FER1L6: variants seen among roughly 807,000 people sequenced by gnomAD.
The protein encoded by FER1L6 is fer-1 like family member 6.
Under a neutral mutation model 219.2 loss-of-function variants are expected in FER1L6, and 177 were observed. That is an observed-to-expected ratio of 0.81 (90% confidence interval 0.71 to 0.91). The LOEUF is 0.91. Among genes scored for constraint, FER1L6 ranks in the 40% least tolerant of loss-of-function variants. FER1L6 has a pLI of 0.00. For missense variants in FER1L6, 2,153 were observed against 2,259.9 expected (o/e 0.95, Z 0.96); for synonymous variants, 768 against 824.3 (o/e 0.93, Z 1.17).
intron 16 of FER1L6, among the ~76,000 whole-genome samples, chr8:124,018,612 C>T (rs1232557001): frequency 2.0e-5 from 3 of 152,168 alleles, no homozygotes; most frequent in Non-Finnish European, 4.4e-5. Context: ...ATGTTTTCTG[C>T]AGAGTTCTGT....
At chr8:124,037,265 G>A (rs115316301) in intron 19 of FER1L6, among the ~76,000 whole-genome samples, 2,732 of 152,294 alleles carry the variant, frequency 0.018, 87 homozygotes, top group African/African-American at 0.061. Context: ...CATTTTCACC[G>A]GATGAACCAT....
In FER1L6 at chr8:123,955,442, C is replaced by T. The variant is rs969146685; in HGVS notation, c.-7-550C>T. ...CCTTCTTGACCTTGGTCTCGAGAGC[C>T]CAGGTCTGGTGATGGTGTTTACTCT... On this transcript the variant is annotated intron_variant, in intron 1 of 40. Coordinates refer to ENST00000522917, the MANE Select transcript of FER1L6 (RefSeq NM_001039112.2). Among the ~76,000 whole-genome samples the T allele has an allele frequency of 5.9e-5, 9 of 152,282 alleles. No homozygotes were observed. The East Asian group carries it at 1.7e-3, about 29-fold the overall frequency.
chr8:123,987,271 G>A (rs1185323957), intron 12 of FER1L6, among the ~76,000 whole-genome samples: 4 of 152,200 alleles, frequency 2.6e-5, no homozygotes, highest in Non-Finnish European at 5.9e-5. Flanking sequence ...GATGGTTAAT[G>A]ATGCTAAGCG....
At chr8:123,959,026 G>A (rs1815152339) in intron 2 of FER1L6, among the ~76,000 whole-genome samples, 1 of 152,070 alleles carries the variant, frequency 6.6e-6, no homozygotes. Context: ...ATTGTGTATG[G>A]ACTTCAGATT....
chr8:123,853,192 T>C lies in FER1L6; in HGVS notation c.-8+1007T>C, dbSNP rs1198130986. On this transcript the variant is annotated intron_variant, in intron 1 of 40. Coordinates refer to ENST00000522917, the MANE Select transcript of FER1L6 (RefSeq NM_001039112.2). The surrounding 1 kb of genome is among the most constrained non-coding windows in gnomAD (Gnocchi z 6.6). ...CTTTTTTTGAGACAGTCTCACTCTA[T>C]AGCCCAGGCTGGAGTGCAGTGGTAC... 1.3e-5 allele frequency among the ~76,000 whole-genome samples: 2 copies of C among 152,102 alleles called. No individual in the cohort carries two copies. Among genetic ancestry groups the C allele is most frequent in the Admixed American group, 6.5e-5 (1 of 15,278 alleles).
chr8:124,046,589 G>A (rs776502380), intron 21 of FER1L6: 6 of 152,294 alleles, frequency 3.9e-5, no homozygotes, highest in South Asian at 2.1e-4. Context: ...ACCTCCTCAT[G>A]AGGTTGCAGA....
intron 37 of FER1L6, among the ~76,000 whole-genome samples, chr8:124,099,820 G>T (rs1462709415): frequency 2.0e-5 from 3 of 151,972 alleles, no homozygotes; most frequent in Non-Finnish European, 4.4e-5. Flanking sequence ...ATGCCCCCTT[G>T]CTCTCTGCAA....
intron 32 of FER1L6, among the ~76,000 whole-genome samples, chr8:124,081,322 T>C (rs937239411): frequency 6.6e-6 from 1 of 152,138 alleles, no homozygotes; most frequent in Non-Finnish European, 1.5e-5. Flanking sequence ...TTGGGTAATT[T>C]ATCATCACAG....
intron 22 of FER1L6, among the ~76,000 whole-genome samples, chr8:124,058,100 A>G (rs1820392389): frequency 6.6e-6 from 1 of 152,220 alleles, no homozygotes; most frequent in African/African-American, 2.4e-5. Flanking sequence ...ACTGTACTAA[A>G]GATGAGAAAT....
intron 22 of FER1L6, among the ~76,000 whole-genome samples, chr8:124,057,646 T>A (rs1820365269): frequency 6.6e-6 from 1 of 152,116 alleles, no homozygotes; most frequent in Non-Finnish European, 1.5e-5. Context: ...TCCAATTACA[T>A]GTATATTAGA....
intron 1 of FER1L6, among the ~76,000 whole-genome samples, chr8:123,928,096 C>T (rs1813633636): frequency 1.3e-5 from 2 of 152,250 alleles, no homozygotes; most frequent in South Asian, 4.2e-4. Flanking sequence ...AAAATCTTCT[C>T]ATATTTTCCT....
chr8:123,867,114 G>A (rs896972987), intron 1 of FER1L6, among the ~76,000 whole-genome samples: 14 of 151,960 alleles, frequency 9.2e-5, no homozygotes, highest in African/African-American at 3.4e-4. Context: ...TGTGCTCTTG[G>A]GGTCCTGTCT....
At chr8:123,969,972 A>G in intron 5 of FER1L6, 63 bp from the exon 6 acceptor site, 2 of 1,330,600 alleles carry the variant, frequency 1.5e-6, no homozygotes, top group Non-Finnish European at 2.2e-6. Flanking sequence ...AATCCACTCC[A>G]AGGACAGGAT....
chr8:123,893,765 C>T lies in FER1L6; in HGVS notation c.-8+41580C>T, dbSNP rs149094150. Among the ~76,000 whole-genome samples the T allele has an allele frequency of 9.7e-3, 1,475 of 152,238 alleles. 20 individuals are homozygous for T. The highest frequency in any genetic ancestry group is 0.034 in the African/African-American group (1,392 of 41,530). On this transcript the variant is annotated intron_variant, in intron 1 of 40. Transcript: ENST00000522917. ...CCTACATGGACAATGATTCTTGCTGCATTTAGTGTGGATAATCAAGCCAAG... is the reference window on the plus strand; with the variant it reads ...CCTACATGGACAATGATTCTTGCTGTATTTAGTGTGGATAATCAAGCCAAG...
At chr8:124,051,716 G>A (rs1820041549) in intron 22 of FER1L6, among the ~76,000 whole-genome samples, 1 of 152,170 alleles carries the variant, frequency 6.6e-6, no homozygotes. Flanking sequence ...GGGGATTCTG[G>A]GGAGCATAAT....
intron 33 of FER1L6, among the ~76,000 whole-genome samples, chr8:124,088,573 C>T (rs1217824021): frequency 1.3e-5 from 2 of 151,978 alleles, no homozygotes; most frequent in Non-Finnish European, 2.9e-5. Flanking sequence ...GAAGCAATCT[C>T]TTCCTATCAC....
chr8:123,985,266 G>A (rs956539214), intron 11 of FER1L6: 3 of 152,126 alleles, frequency 2.0e-5, no homozygotes, highest in African/African-American at 7.2e-5. Context: ...AGATGAACTC[G>A]AAGGTCCTTT....
chr8:124,069,261 C>A, intron 28 of FER1L6, 99 bp from the exon 29 acceptor site: 1 of 908,454 alleles, frequency 1.1e-6, no homozygotes, highest in South Asian at 1.4e-5. Flanking sequence ...TGAAGGGTCA[C>A]AACATAGGAC....
chr8:123,975,378 C>T, intron 8 of FER1L6, 72 bp downstream of exon 8: 1 of 1,407,906 alleles, frequency 7.1e-7, no homozygotes, highest in Admixed American at 2.0e-5. Flanking sequence ...CCTCCCTCAC[C>T]ACTTTTCTTA....
Sources: allele counts gnomAD v4.1 joint callset (sites outside exome capture counted in the v4.1 genomes callset), GRCh38; gene constraint gnomAD v4.1.1; non-coding constraint Gnocchi (gnomAD v3.1); transcripts MANE v1.5; gene names NCBI Gene and HGNC (gene_info 2026-07-23, HGNC 2026-07-21).